THADA: variants seen among roughly 807,000 people sequenced by gnomAD.
THADA encodes the protein tRNA (32-2'-O)-methyltransferase regulator THADA.
A neutral mutation model predicts 219.8 loss-of-function variants in THADA; 213 were observed. That is an observed-to-expected ratio of 0.97 (90% confidence interval 0.87 to 1.09). The LOEUF is 1.09. THADA is among the 50% of genes least tolerant of loss of function. The pLI is 0.00. For synonymous variants in THADA, 1,018 were observed against 828.9 expected (o/e 1.23, Z -3.92); for missense variants, 2,956 against 2,311.3 (o/e 1.28, Z -5.72).
chr2:43,540,350 G>C (rs1695138474), intron 21 of THADA, among the ~76,000 whole-genome samples: 1 of 152,022 alleles, frequency 6.6e-6, no homozygotes, highest in African/African-American at 2.4e-5. Context: ...CACAGAGTGT[G>C]AGAAAAAAAG....
rs1559040160 is a variant in THADA at position 43,592,061 on chromosome 2, C to T, written c.77-15G>A. 16 of 1,507,662 alleles carry T rather than the reference C, an allele frequency of 1.1e-5. No individual in the cohort carries two copies. The highest frequency in any genetic ancestry group is 1.3e-5 in the Non-Finnish European group (15 of 1,127,346). 93.4% of individuals were successfully genotyped at this position (1,507,662 alleles called of 1,614,324 possible). A position where few individuals can be genotyped will look rare whatever the true frequency, so the allele number is the denominator to read the frequency against. On this transcript the variant is annotated splice_polypyrimidine_tract_variant and intron_variant, in intron 2 of 37. Transcript: ENST00000405975. The stretch of plus-strand genomic sequence containing the variant: ...ATCAGCAAAAGCTATATAACATATA[C>T]AAAAAAAAATTTTCAATGATTTAAC...
intron 29 of THADA, among the ~76,000 whole-genome samples, chr2:43,357,464 A>G (rs1668996701): frequency 6.6e-6 from 1 of 152,216 alleles, no homozygotes; most frequent in Non-Finnish European, 1.5e-5. Flanking sequence ...AAAGTCCGGC[A>G]TTTGCTATCA....
At chr2:43,351,779 A>G (rs750616261) in intron 29 of THADA, among the ~76,000 whole-genome samples, 1 of 152,254 alleles carries the variant, frequency 6.6e-6, no homozygotes, top group African/African-American at 2.4e-5. Context: ...AACTCTGGTC[A>G]CACCAAGGTG....
chr2:43,543,602 G>T (rs950042906), intron 20 of THADA, among the ~76,000 whole-genome samples: 2 of 152,062 alleles, frequency 1.3e-5, no homozygotes, highest in African/African-American at 4.8e-5. Flanking sequence ...TTGTGGTTTT[G>T]ATTTGCATTT....
At chr2:43,582,044 G>C in intron 7 of THADA, 116 bp from the exon 8 acceptor site, 6 of 726,934 alleles carry the variant, frequency 8.3e-6, no homozygotes, top group Non-Finnish European at 1.3e-5. Context: ...TTTAAATTAT[G>C]ATAATTTATT....
intron 25 of THADA, chr2:43,486,447 T>C (rs1355215762): frequency 6.6e-6 from 1 of 152,146 alleles, no homozygotes; most frequent in Non-Finnish European, 1.5e-5. Context: ...CTTGCTACAG[T>C]GTGTAAGGCC....
chr2:43,290,748 C>T (rs146002125), intron 34 of THADA, among the ~76,000 whole-genome samples: 1 of 151,920 alleles, frequency 6.6e-6, no homozygotes, highest in Non-Finnish European at 1.5e-5. Flanking sequence ...GAATCTGGAT[C>T]TTCAGGTAAT....
At chr2:43,560,108 TGAAA>T in intron 16 of THADA, 122 bp downstream of exon 16, 2 of 766,546 alleles carry the variant, frequency 2.6e-6, no homozygotes, top group African/African-American at 3.6e-5. Flanking sequence ...TAATGATAAC[TGAAA>T]GAAACAGTCC....
chr2:43,236,100 C>G (rs186461545), intron 36 of THADA, among the ~76,000 whole-genome samples: 1 of 152,210 alleles, frequency 6.6e-6, no homozygotes, highest in Non-Finnish European at 1.5e-5. Context: ...TGAGCCACCA[C>G]GCCTGGCCCA....
chr2:43,340,223 T>A (rs1666926218), intron 30 of THADA, among the ~76,000 whole-genome samples: 2 of 152,224 alleles, frequency 1.3e-5, no homozygotes, highest in Admixed American at 1.3e-4. Context: ...CCATTAAGGC[T>A]TTGACATCCT....
chr2:43,382,635 G>T (rs1672175670), intron 29 of THADA, among the ~76,000 whole-genome samples: 1 of 152,114 alleles, frequency 6.6e-6, no homozygotes, highest in Admixed American at 6.5e-5. Context: ...AACGATAAAA[G>T]GAACAATTCT....
intron 20 of THADA, among the ~76,000 whole-genome samples, chr2:43,546,088 G>A (rs1695992376): frequency 6.7e-6 from 1 of 149,474 alleles, no homozygotes; most frequent in Non-Finnish European, 1.5e-5. Flanking sequence ...TGTTCTCGTT[G>A]GTTTCAAAGA....
At chr2:43,505,941 G>A (rs1689620058) in intron 23 of THADA, among the ~76,000 whole-genome samples, 1 of 152,098 alleles carries the variant, frequency 6.6e-6, no homozygotes, top group African/African-American at 2.4e-5. Flanking sequence ...TTTAGGTGAA[G>A]GTGAAATCAT....
At chr2:43,548,524 G>A (rs1696345370) in intron 20 of THADA, among the ~76,000 whole-genome samples, 1 of 152,192 alleles carries the variant, frequency 6.6e-6, no homozygotes. Flanking sequence ...GCTCCACCCA[G>A]TTCGAGCTTC....
At chr2:43,253,027 C>G (rs879607993) in intron 36 of THADA, among the ~76,000 whole-genome samples, 1 of 152,080 alleles carries the variant, frequency 6.6e-6, no homozygotes, top group Non-Finnish European at 1.5e-5. Flanking sequence ...TCTTGATAAT[C>G]TTGACTTCTA....
chr2:43,582,496 T>TAAAA (rs564311180), intron 7 of THADA, among the ~76,000 whole-genome samples: 3 of 128,228 alleles, frequency 2.3e-5, no homozygotes, highest in African/African-American at 9.0e-5. Context: ...GACACCATCT[T>TAAAA]AAAAAAAAAA....
intron 28 of THADA, among the ~76,000 whole-genome samples, chr2:43,422,075 G>A (rs575591937): frequency 1.8e-3 from 278 of 152,304 alleles, no homozygotes; most frequent in African/African-American, 6.4e-3. Flanking sequence ...CCTCAGGTGC[G>A]CTGCAGATAT....
intron 28 of THADA, among the ~76,000 whole-genome samples, chr2:43,417,680 G>A (rs553890226): frequency 6.6e-6 from 1 of 152,318 alleles, no homozygotes; most frequent in South Asian, 2.1e-4. Flanking sequence ...ATACTTCACA[G>A]ACACAGCATC....
At chr2:43,558,953 C>T (rs538883447) in intron 16 of THADA, among the ~76,000 whole-genome samples, 16 of 152,188 alleles carry the variant, frequency 1.1e-4, no homozygotes, top group Admixed American at 4.6e-4. Context: ...ATACCAAGCA[C>T]GGGTTTATCA....
Sources: gnomAD v4.1 joint callset for allele counts (sites outside exome capture counted in the v4.1 genomes callset) on GRCh38, gnomAD v4.1.1 for gene constraint, MANE v1.5 for transcripts, NCBI Gene and HGNC (gene_info 2026-07-23, HGNC 2026-07-21) for gene names.